Variants in CYB5RL observed in about 807,000 individuals in gnomAD.
The protein encoded by CYB5RL is cytochrome b5 reductase like, also known as NADH-cytochrome b5 reductase-like.
In CYB5RL, 38 loss-of-function variants were observed where a neutral mutation model predicts 37.5. The ratio of observed to expected loss-of-function variants is 1.01; its 90% CI spans 0.78 to 1.33. The LOEUF is 1.33. CYB5RL is among the 40% of genes most tolerant of loss of function. CYB5RL has a pLI of 0.00. For synonymous variants in CYB5RL, 141 were observed against 151.9 expected, an observed-to-expected ratio of 0.93 and a Z score of 0.53; for missense variants, 388 against 394.4, an observed-to-expected ratio of 0.98 and a Z score of 0.14.
chr1:54,190,515 C>T (rs1452764366), intron 4 of CYB5RL: 2 of 625,016 alleles, frequency 3.2e-6, no homozygotes, highest in Non-Finnish European at 5.6e-6. Context: ...CTATAAGCAC[C>T]CAGAACTGTG....
chr1:54,182,655 T>C (rs1361230264), intron 6 of CYB5RL, among the ~76,000 whole-genome samples: 1 of 152,208 alleles, frequency 6.6e-6, no homozygotes, highest in Non-Finnish European at 1.5e-5. Flanking sequence ...GTTCAAATGA[T>C]TCTCATGCCT....
chr1:54,185,867 G>A (rs1437772477), intron 5 of CYB5RL: 1 of 152,430 alleles, frequency 6.6e-6, no homozygotes, highest in Non-Finnish European at 1.5e-5. Context: ...GGACCCAGTG[G>A]GAGGTAAATG....
At position 54,200,004 on chromosome 1, in the gene CYB5RL, G is replaced by C. The variant is rs770418258; in HGVS notation, c.-251C>G. On this transcript the variant is annotated 5_prime_UTR_variant, in exon 1 of 8. Coordinates refer to ENST00000534324, the MANE Select transcript of CYB5RL (RefSeq NM_001031672.4). Reference sequence around the variant, plus strand: ...CTCGCCTGCGCTTCACCTCACGTGAGGATTTTCCAGGTTCCTCCCAGTCTC... The same window carrying C: ...CTCGCCTGCGCTTCACCTCACGTGACGATTTTCCAGGTTCCTCCCAGTCTC... 1.8e-6 allele frequency: 1 copy of C among 541,204 alleles called. No individual in the cohort carries two copies. The highest frequency in any genetic ancestry group is 3.2e-6 in the Non-Finnish European group (1 of 308,810). The allele number at this position is 541,204 out of a possible 1,614,324, so 33.5% of individuals were successfully genotyped here. A position where few individuals can be genotyped will look rare whatever the true frequency, so the allele number is the denominator to read the frequency against.
At chr1:54,199,680 G>A (rs150962180) in intron 1 of CYB5RL, among the ~76,000 whole-genome samples, 1 of 152,162 alleles carries the variant, frequency 6.6e-6, no homozygotes, top group Non-Finnish European at 1.5e-5. Flanking sequence ...GAAAAGCGAG[G>A]AAAGTGGCTC....
chr1:54,180,343 C>T (rs1044528996), intron 6 of CYB5RL: 4 of 339,872 alleles, frequency 1.2e-5, no homozygotes, highest in Non-Finnish European at 2.3e-5. Context: ...GAGGGGTGAA[C>T]CTCTGTAATC....
At chr1:54,187,918 T>A in intron 4 of CYB5RL, 179 bp from the exon 5 acceptor site, 2 of 568,016 alleles carry the variant, frequency 3.5e-6, no homozygotes, top group South Asian at 2.2e-5. Flanking sequence ...CTACTAAAAG[T>A]ACAAAAATTT....
intron 6 of CYB5RL, chr1:54,183,908 G>C: frequency 5.0e-6 from 1 of 201,070 alleles, no homozygotes; most frequent in Non-Finnish European, 9.9e-6. Flanking sequence ...CTGGGAGGTG[G>C]AGGTTGCGGT....
chr1:54,195,726 GA>G lies in CYB5RL; in HGVS notation c.-99-12del, dbSNP rs552651169. On this transcript the variant is annotated splice_polypyrimidine_tract_variant and intron_variant, in intron 2 of 7. Coordinates refer to ENST00000534324, the MANE Select transcript of CYB5RL (RefSeq NM_001031672.4). Reference sequence around the variant, plus strand: ...TGCTCCTTGGCCAGCCTGGGAGAGGGAAAACATGGGGGTTATTCTCTGGTCT... The same window carrying G: ...TGCTCCTTGGCCAGCCTGGGAGAGGGAAACATGGGGGTTATTCTCTGGTCT... 15 of 1,243,052 alleles carry G rather than the reference GA, an allele frequency of 1.2e-5. No individual in the cohort carries two copies. In the South Asian group the frequency reaches 2.2e-4, roughly 18 times the overall value. The allele number at this position is 1,243,052 out of a possible 1,614,324, so 77.0% of individuals were successfully genotyped here. A position where few individuals can be genotyped will look rare whatever the true frequency, so the allele number is the denominator to read the frequency against.
chr1:54,197,362 T>C (rs1232939919), intron 1 of CYB5RL, among the ~76,000 whole-genome samples: 11 of 145,720 alleles, frequency 7.5e-5, no homozygotes, highest in African/African-American at 2.8e-4. Context: ...GTTGCCCAGG[T>C]TGCCAGGTTG....
intron 5 of CYB5RL, 36 bp from the exon 6 acceptor site, chr1:54,184,301 G>A (rs1235224446): frequency 8.3e-6 from 13 of 1,569,602 alleles, no homozygotes; most frequent in Admixed American, 1.7e-5. Flanking sequence ...AGCGGGACAG[G>A]TACATGCTGC....
At chr1:54,189,886 T>C (rs1011060813) in intron 4 of CYB5RL, among the ~76,000 whole-genome samples, 1 of 152,246 alleles carries the variant, frequency 6.6e-6, no homozygotes, top group Non-Finnish European at 1.5e-5. Context: ...CCTTCTCCTC[T>C]GGCCGCACCT....
In CYB5RL at chr1:54,174,464, T is replaced by C; in HGVS notation, c.*155A>G. The C allele has an allele frequency of 1.3e-6, 1 of 782,450 alleles. No homozygotes were observed. 48.5% of individuals were successfully genotyped at this position (782,450 alleles called of 1,614,324 possible). The stretch of plus-strand genomic sequence containing the variant: ...TTAACCTCATGGGGCAGATGAGAAG[T>C]AGAGGTTCTGAGCAGTAAAGACACT... On this transcript the variant is annotated 3_prime_UTR_variant, in exon 8 of 8. Transcript: ENST00000534324.
intron 1 of CYB5RL, among the ~76,000 whole-genome samples, chr1:54,198,911 C>T (rs763154577): frequency 2.9e-4 from 44 of 152,230 alleles, no homozygotes; most frequent in Admixed American, 1.3e-3. Flanking sequence ...GTTGGGATTA[C>T]AGGTGTGAAC....
chr1:54,197,499 T>G (rs1390121933), intron 1 of CYB5RL, among the ~76,000 whole-genome samples: 7 of 151,968 alleles, frequency 4.6e-5, no homozygotes, highest in Non-Finnish European at 1.0e-4. Context: ...AGGTTTTATA[T>G]TTTGAGTAGA....
At chr1:54,195,025 A>T (rs995681555) in intron 3 of CYB5RL, among the ~76,000 whole-genome samples, 1 of 152,248 alleles carries the variant, frequency 6.6e-6, no homozygotes, top group African/African-American at 2.4e-5. Flanking sequence ...TTATTTACCT[A>T]GAATAAACTA....
At chr1:54,184,504 T>C (rs1660242488) in intron 5 of CYB5RL, 1 of 452,548 alleles carries the variant, frequency 2.2e-6, no homozygotes, top group Non-Finnish European at 4.0e-6. Context: ...ACCTAAAGCC[T>C]TCAGCATAGA....
At chr1:54,195,187 G>A (rs1473637126) in intron 3 of CYB5RL, among the ~76,000 whole-genome samples, 1 of 152,202 alleles carries the variant, frequency 6.6e-6, no homozygotes, top group Admixed American at 6.5e-5. Flanking sequence ...CACAAACATT[G>A]AGCCTCATTT....
intron 7 of CYB5RL, among the ~76,000 whole-genome samples, chr1:54,178,175 A>G (rs111424388): frequency 2.6e-5 from 4 of 152,208 alleles, no homozygotes; most frequent in African/African-American, 9.6e-5. Flanking sequence ...TGGGGAGCCC[A>G]GGGACCCTTA....
In CYB5RL at chr1:54,182,637, C is replaced by T. The variant is rs183045101; in HGVS notation, c.540+1524G>A. 2.0e-3 allele frequency among the ~76,000 whole-genome samples: 308 copies of T among 152,266 alleles called. 2 individuals carry two copies. Among genetic ancestry groups the T allele is most frequent in the Non-Finnish European group, 2.1e-3 (144 of 68,026 alleles). On this transcript the variant is annotated intron_variant, in intron 6 of 7. Transcript: ENST00000534324. ...TGATCTCAGCTCATTGCAACCTCTG[C>T]CTTCTGGGTTCAAATGATTCTCATG...
Sources: allele counts gnomAD v4.1 joint callset (sites outside exome capture counted in the v4.1 genomes callset), GRCh38; gene constraint gnomAD v4.1.1; transcripts MANE v1.5; gene names NCBI Gene and HGNC (gene_info 2026-07-23, HGNC 2026-07-21).